Variants in BCOR observed in about 807,000 individuals in gnomAD.
The protein encoded by BCOR is BCL-6 corepressor.
Under a neutral mutation model 86.7 loss-of-function variants are expected in BCOR, and 10 were observed. That is an observed-to-expected ratio of 0.12 (90% CI 0.07 to 0.20). The LOEUF is 0.20. Ranked by LOEUF, BCOR falls within the 10% of genes least tolerant of loss-of-function variation. The probability of loss-of-function intolerance (pLI) is 1.00; values close to 1 mark genes in which losing one functional copy is unlikely to be tolerated. For synonymous variants in BCOR, 611 were observed against 609.0 expected, an observed-to-expected ratio of 1.00 and a Z score of -0.05; for missense variants, 1,259 against 1,452.1, an observed-to-expected ratio of 0.87 and a Z score of 2.16.
Position 40,140,178 on chromosome X carries a change from C to T in BCOR, c.-41+36829G>A, listed in dbSNP as rs756899990. On this transcript the variant is annotated intron_variant, in intron 1 of 14. Transcript: ENST00000342274. ...CTTAAAAAATATATATATACCTAAG[C>T]GGGGTGCAGTGGCTCACGGCTGTAA... Among the ~76,000 whole-genome samples the T allele has an allele frequency of 8.0e-4, 87 of 108,755 alleles. 1 individual carries two copies. Among genetic ancestry groups the T allele is most frequent in the South Asian group, 2.8e-3 (7 of 2,476 alleles). 94.4% of individuals were successfully genotyped at this position (108,755 alleles called of 115,157 possible). A position where few individuals can be genotyped will look rare whatever the true frequency, so the allele number is the denominator to read the frequency against.
At chrX:40,096,189 G>C (rs1936858307) in intron 1 of BCOR, among the ~76,000 whole-genome samples, 1 of 112,057 alleles carries the variant, frequency 8.9e-6, no homozygotes, top group African/African-American at 3.2e-5. Flanking sequence ...CACGCCCTCC[G>C]AGTGGGACCA....
intron 1 of BCOR, among the ~76,000 whole-genome samples, chrX:40,139,199 T>C (rs1326475474): frequency 1.9e-5 from 2 of 104,142 alleles, no homozygotes; most frequent in Non-Finnish European, 3.9e-5. Flanking sequence ...CAGTTTAAGA[T>C]AAAGTTAAAC....
At chrX:40,168,636 A>AG (rs1406571015) in intron 1 of BCOR, among the ~76,000 whole-genome samples, 1 of 111,903 alleles carries the variant, frequency 8.9e-6, no homozygotes, top group African/African-American at 3.2e-5. Context: ...GGAGGGCGAG[A>AG]GGGGGGCCAA....
At position 40,080,967 on chromosome X, in the gene BCOR, G is replaced by A. The variant is rs374771281; in HGVS notation, c.-40-2998C>T. Among the ~76,000 whole-genome samples the A allele has an allele frequency of 5.8e-3, 286 of 48,959 alleles. 3 individuals are homozygous for A. The highest frequency in any genetic ancestry group is 0.018 in the African/African-American group (252 of 13,659). 42.5% of individuals were successfully genotyped at this position (48,959 alleles called of 115,157 possible). ...GACTTACGCACACACGTGCACGCACGCACACGCGCACACACACACGCGCAC... is the reference window on the plus strand; with the variant it reads ...GACTTACGCACACACGTGCACGCACACACACGCGCACACACACACGCGCAC... On this transcript the variant is annotated intron_variant, in intron 1 of 14. Transcript: ENST00000378444.
intron 10 of BCOR, 43 bp downstream of exon 10, chrX:40,062,096 G>A (rs766421215): frequency 2.6e-6 from 3 of 1,174,427 alleles, no homozygotes; most frequent in South Asian, 3.8e-5. Flanking sequence ...CGCAGGCCCC[G>A]CCCCCCAGCC....
chrX:40,071,396 T>C (rs1041123268), intron 5 of BCOR, among the ~76,000 whole-genome samples: 2 of 112,275 alleles, frequency 1.8e-5, no homozygotes, highest in African/African-American at 3.2e-5. Context: ...ATATATGCGA[T>C]GTGTATGTAT....
At chrX:40,139,369 T>A (rs759487759) in intron 1 of BCOR, among the ~76,000 whole-genome samples, 725 of 52,178 alleles carry the variant, frequency 0.014, 21 homozygotes, top group Non-Finnish European at 0.021. Flanking sequence ...AAATTTAAAA[T>A]ATATATATAT....
intron 1 of BCOR, among the ~76,000 whole-genome samples, chrX:40,122,667 G>A (rs1937503775): frequency 8.9e-6 from 1 of 112,032 alleles, no homozygotes; most frequent in Non-Finnish European, 1.9e-5. Context: ...CAAGGACCAT[G>A]GAAGCCGCCA....
chrX:40,088,220 C>A (rs955842731), intron 1 of BCOR, among the ~76,000 whole-genome samples: 3 of 112,442 alleles, frequency 2.7e-5, no homozygotes, highest in African/African-American at 9.7e-5. Flanking sequence ...GTTAAGGCGT[C>A]TCTAGATTCC....
intron 3 of BCOR, among the ~76,000 whole-genome samples, chrX:40,075,483 C>A (rs963303055): frequency 1.3e-4 from 14 of 111,848 alleles, no homozygotes; most frequent in Non-Finnish European, 9.4e-5. Context: ...TTTGGCCAGG[C>A]GCGGTGGCTC....
intron 1 of BCOR, among the ~76,000 whole-genome samples, chrX:40,137,425 G>A (rs1269061821): frequency 9.1e-6 from 1 of 109,808 alleles, no homozygotes; most frequent in African/African-American, 3.3e-5. Flanking sequence ...GCACACACCT[G>A]TAATCCCAGC....
intron 6 of BCOR, among the ~76,000 whole-genome samples, chrX:40,067,685 G>A (rs1187499259): frequency 9.0e-6 from 1 of 111,225 alleles, no homozygotes; most frequent in Non-Finnish European, 1.9e-5. Flanking sequence ...GCCTCTCAAG[G>A]CAAACATCCC....
rs1213740028 is a variant in BCOR, at chrX:40,127,761, T to C, written c.-41+49246A>G. 3.7e-5 allele frequency among the ~76,000 whole-genome samples: 4 copies of C among 108,103 alleles called. No homozygotes were observed. In the Admixed American group the frequency reaches 4.0e-4, roughly 11 times the overall value. 93.9% of individuals were successfully genotyped at this position (108,103 alleles called of 115,157 possible). A position where few individuals can be genotyped will look rare whatever the true frequency, so the allele number is the denominator to read the frequency against. ...GGTGGCTCTCACCTGCAGTCCCAGC[T>C]ACTGAGGAGGCTGAGGTGGGAGGAT... On this transcript the variant is annotated intron_variant, in intron 1 of 14. Coordinates refer to the BCOR transcript ENST00000342274.
intron 8 of BCOR, 28 bp from the exon 9 acceptor site, chrX:40,063,099 C>CGGGGGGGGG: frequency 4.2e-6 from 2 of 474,556 alleles, no homozygotes; most frequent in Admixed American, 5.9e-5. Context: ...GACGGGGTGG[C>CGGGGGGGGG]GGGCGGATGG....
chrX:40,170,294 G>A (rs775198807), intron 1 of BCOR, among the ~76,000 whole-genome samples: 2 of 111,450 alleles, frequency 1.8e-5, no homozygotes, highest in Non-Finnish European at 3.8e-5. Flanking sequence ...CTAACAGAAG[G>A]GGATATAGCC....
At chrX:40,072,070 A>C in intron 4 of BCOR, 1 of 419,682 alleles carries the variant, frequency 2.4e-6, no homozygotes, top group Non-Finnish European at 4.1e-6. Flanking sequence ...GGTAAACGTC[A>C]TGCAGTCTTT....
At chrX:40,161,187 T>TAGTAGAGAAGGGGTTTCACCAC (rs1938410834) in intron 1 of BCOR, among the ~76,000 whole-genome samples, 1 of 105,456 alleles carries the variant, frequency 9.5e-6, no homozygotes, top group Non-Finnish European at 1.9e-5. Flanking sequence ...TTTGTTTTTT[T>TAGTAGAGAAGGGGTTTCACCAC]GTTTTTTGGG....
intron 14 of BCOR, 135 bp from the exon 15 acceptor site, chrX:40,052,535 A>C (rs1602101763): frequency 2.3e-6 from 1 of 440,471 alleles, no homozygotes; most frequent in Non-Finnish European, 3.7e-6. Context: ...ATTTCTCACC[A>C]TACCTACTCT....
At chrX:40,088,637 C>G (rs1306162091) in intron 1 of BCOR, among the ~76,000 whole-genome samples, 6 of 112,486 alleles carry the variant, frequency 5.3e-5, no homozygotes, top group African/African-American at 1.6e-4. Flanking sequence ...TGGATCCATA[C>G]AGGTCTGGTT....
Sources: allele counts gnomAD v4.1 joint callset (sites outside exome capture counted in the v4.1 genomes callset), GRCh38; gene constraint gnomAD v4.1.1; transcripts MANE v1.5; gene names NCBI Gene and HGNC (gene_info 2026-07-23, HGNC 2026-07-21).